The following ATG10 variants were observed in gnomAD, a reference collection of about 807,000 sequenced individuals.
The protein encoded by ATG10 is ubiquitin-like-conjugating enzyme ATG10.
Under a neutral mutation model 32.1 loss-of-function variants are expected in ATG10, and 30 were observed. The observed-to-expected ratio is 0.94, with a 90% CI of 0.70 to 1.27. The LOEUF is 1.27. Among genes scored for constraint, ATG10 ranks in the 50% most tolerant of loss-of-function variants. ATG10 has a pLI of 0.00. For synonymous variants in ATG10, 87 were observed against 91.5 expected, an observed-to-expected ratio of 0.95 and a Z score of 0.28; for missense variants, 233 against 262.3, an observed-to-expected ratio of 0.89 and a Z score of 0.77.
chr5:82,050,188 T>C lies in ATG10; in HGVS notation c.109-8307T>C, dbSNP rs563883950. On this transcript the variant is annotated intron_variant, in intron 2 of 7. Transcript: ENST00000282185. The stretch of plus-strand genomic sequence containing the variant: ...AGCATATACAGAATTACCTTATTAT[T>C]TATAATAGCTATGTAGTATTCCATT... Among the ~76,000 whole-genome samples the C allele has an allele frequency of 2.6e-5, 4 of 152,198 alleles. No individual in the cohort carries two copies. In the East Asian group the frequency reaches 7.7e-4, roughly 29 times the overall value.
intron 2 of ATG10, among the ~76,000 whole-genome samples, chr5:82,041,600 A>G (rs79938809): frequency 2.0e-5 from 3 of 152,180 alleles, no homozygotes; most frequent in East Asian, 3.8e-4. Flanking sequence ...ATCTAAACAT[A>G]TAGTATGTAA....
intron 4 of ATG10, among the ~76,000 whole-genome samples, chr5:82,174,174 A>G (rs182132380): frequency 6.6e-6 from 1 of 152,316 alleles, no homozygotes; most frequent in East Asian, 1.9e-4. Context: ...GAAAGATCTC[A>G]AAAACTAACT....
At chr5:82,125,531 A>G (rs990832885) in intron 3 of ATG10, among the ~76,000 whole-genome samples, 16 of 152,176 alleles carry the variant, frequency 1.1e-4, no homozygotes, top group Admixed American at 1.0e-3. Context: ...GAAATAGGAA[A>G]TGTTTTCCCT....
intron 4 of ATG10, among the ~76,000 whole-genome samples, chr5:82,166,777 C>A (rs900445765): frequency 1.3e-5 from 2 of 152,066 alleles, no homozygotes; most frequent in Admixed American, 6.6e-5. Context: ...TAAGAGAGTT[C>A]CGACCTAGAA....
chr5:82,020,612 T>C (rs1291763056), intron 2 of ATG10, among the ~76,000 whole-genome samples: 1 of 152,206 alleles, frequency 6.6e-6, no homozygotes, highest in African/African-American at 2.4e-5. Flanking sequence ...TGCTGTCAAC[T>C]GAGGGTTGGC....
At chr5:82,107,387 G>C (rs1388576244) in intron 3 of ATG10, among the ~76,000 whole-genome samples, 1 of 152,028 alleles carries the variant, frequency 6.6e-6, no homozygotes. Context: ...CTGGGTGTTT[G>C]CAGGAGATAA....
intron 2 of ATG10, among the ~76,000 whole-genome samples, chr5:82,000,470 A>G (rs1761815108): frequency 6.6e-6 from 1 of 152,170 alleles, no homozygotes; most frequent in Non-Finnish European, 1.5e-5. Context: ...TGGCCAGAGC[A>G]ATCAGGTAAG....
intron 5 of ATG10, among the ~76,000 whole-genome samples, chr5:82,218,440 T>TTGGTACAGAATGATCA (rs1745784177): frequency 6.6e-6 from 1 of 152,200 alleles, no homozygotes; most frequent in Non-Finnish European, 1.5e-5. Flanking sequence ...GCTATTATAG[T>TTGGTACAGAATGATCA]TTGCTTTTAT....
At chr5:82,116,452 C>A (rs1765810956) in intron 3 of ATG10, among the ~76,000 whole-genome samples, 1 of 152,040 alleles carries the variant, frequency 6.6e-6, no homozygotes, top group African/African-American at 2.4e-5. Flanking sequence ...TTTCTAGTCT[C>A]AGGGCTATTG....
At position 82,253,421 on chromosome 5, in the gene ATG10, C is replaced by A. The variant is rs1864182; in HGVS notation, c.659C>A (p.Pro220His). ...KATSQDERNV[P>H] Reference sequence around the variant, plus strand: ...ACGTCTCAGGATGAACGAAATGTCCCTTAACAAGGTAAAAGAAAAGCCTGG... The same window carrying A: ...ACGTCTCAGGATGAACGAAATGTCCATTAACAAGGTAAAAGAAAAGCCTGG... The change falls in exon 7 of 8, where the codon CCT becomes CAT. Residue 220 changes from proline to histidine, a missense_variant. Transcript: ENST00000282185. The A allele has an allele frequency of 0.55, 855,984 of 1,558,954 alleles. 246,004 individuals are homozygous for A. Among genetic ancestry groups the A allele is most frequent in the East Asian group, 0.94 (41,710 of 44,498 alleles).
rs183124807 is a variant in ATG10, at chr5:81,984,289, T to A, written c.-12-3270T>A. Among the ~76,000 whole-genome samples the A allele has an allele frequency of 4.6e-5, 7 of 152,354 alleles. No individual in the cohort carries two copies. In the East Asian group the frequency reaches 1.4e-3, roughly 29 times the overall value. ...AAAAAATACGAAAACCAGTCAGGCCTGGCGGCGCGCGCCTGCAATCGCAGG... is the reference window on the plus strand; with the variant it reads ...AAAAAATACGAAAACCAGTCAGGCCAGGCGGCGCGCGCCTGCAATCGCAGG... On this transcript the variant is annotated intron_variant, in intron 1 of 7. Coordinates refer to ENST00000282185, the MANE Select transcript of ATG10 (RefSeq NM_031482.5).
chr5:82,024,867 A>C (rs1388608068), intron 2 of ATG10, among the ~76,000 whole-genome samples: 1 of 152,232 alleles, frequency 6.6e-6, no homozygotes, highest in Non-Finnish European at 1.5e-5. Context: ...ACATTCTCGT[A>C]TGAAAATTAG....
rs566526137 is a variant in ATG10, at chr5:82,033,810, CAT to C, written c.109-24682_109-24681del. Among the ~76,000 whole-genome samples, 187 of 150,984 alleles carry C rather than the reference CAT, an allele frequency of 1.2e-3. 1 individual carries two copies. Among genetic ancestry groups the C allele is most frequent in the African/African-American group, 4.3e-3 (178 of 41,158 alleles). ...TTTGTACTATATGTGTATAGATACACATATGTATATATCTGTACTATATGTAT... is the reference window on the plus strand; with the variant it reads ...TTTGTACTATATGTGTATAGATACACATGTATATATCTGTACTATATGTAT... On this transcript the variant is annotated intron_variant, in intron 2 of 7. Coordinates refer to ENST00000282185, the MANE Select transcript of ATG10 (RefSeq NM_031482.5).
intron 2 of ATG10, among the ~76,000 whole-genome samples, chr5:82,048,734 C>A (rs1329883223): frequency 6.6e-6 from 1 of 151,976 alleles, no homozygotes; most frequent in Non-Finnish European, 1.5e-5. Context: ...AAAAAGTGGG[C>A]GAAGGACATG....
In ATG10 at chr5:82,252,582, AC is replaced by A; in HGVS notation, c.477del (p.Phe161LeufsTer12). 6.2e-7 allele frequency: 1 copy of A among 1,608,876 alleles called. No individual in the cohort carries two copies. Among genetic ancestry groups the A allele is most frequent in the Non-Finnish European group, 8.5e-7 (1 of 1,176,862 alleles). On this transcript the variant is annotated frameshift_variant, in exon 6 of 8. Coordinates refer to ENST00000282185, the MANE Select transcript of ATG10 (RefSeq NM_031482.5). LOFTEE classifies it high-confidence loss of function. ...TACAGGAACATCCAATACTTGGGCAACCCTTTTTTGTACTTCATCCCTGCAA... is the reference window on the plus strand; with the variant it reads ...TACAGGAACATCCAATACTTGGGCAACCTTTTTTGTACTTCATCCCTGCAA... ...TQQEHPILGQ[P>X]FFVLHPCKTN...
chr5:81,986,005 C>T (rs537772603), intron 1 of ATG10, among the ~76,000 whole-genome samples: 19 of 152,238 alleles, frequency 1.2e-4, no homozygotes, highest in African/African-American at 1.9e-4. Flanking sequence ...CCTTGTGATC[C>T]GCCTGCCTCG....
chr5:82,024,898 G>A (rs940419788), intron 2 of ATG10, among the ~76,000 whole-genome samples: 2 of 152,228 alleles, frequency 1.3e-5, no homozygotes, highest in East Asian at 3.8e-4. Context: ...CAGGATTTAT[G>A]TCTGAAGGAG....
At chr5:81,991,582 T>G (rs913155855) in intron 2 of ATG10, among the ~76,000 whole-genome samples, 2 of 152,104 alleles carry the variant, frequency 1.3e-5, no homozygotes, top group Non-Finnish European at 2.9e-5. Flanking sequence ...TTACCTGAGG[T>G]CAGGAGTTCG....
rs1405962292 is a variant in ATG10 at position 82,255,408 on chromosome 5, T to A, written c.*1345T>A. 6.6e-6 allele frequency: 1 copy of A among 152,150 alleles called. No individual in the cohort carries two copies. Among genetic ancestry groups the A allele is most frequent in the Non-Finnish European group, 1.5e-5 (1 of 68,034 alleles). 9.4% of individuals were successfully genotyped at this position (152,150 alleles called of 1,614,324 possible). A position where few individuals can be genotyped will look rare whatever the true frequency, so the allele number is the denominator to read the frequency against. On this transcript the variant is annotated 3_prime_UTR_variant, in exon 8 of 8. Transcript: ENST00000282185. Reference sequence around the variant, plus strand: ...AACCTGGAACAATTTTTTTTTTGGTTGCTTGTTTTGTTTTTTGCTTTCATT... The same window carrying A: ...AACCTGGAACAATTTTTTTTTTGGTAGCTTGTTTTGTTTTTTGCTTTCATT...
Sources: allele counts gnomAD v4.1 joint callset (sites outside exome capture counted in the v4.1 genomes callset), GRCh38; gene constraint gnomAD v4.1.1; transcripts MANE v1.5; gene names NCBI Gene and HGNC (gene_info 2026-07-23, HGNC 2026-07-21).